Variants in AKAP9 observed in about 807,000 individuals in gnomAD.
AKAP9 encodes the protein A-kinase anchor protein 9.
A neutral mutation model predicts 488.5 loss-of-function variants in AKAP9; 311 were observed. The observed-to-expected ratio is 0.64, with a 90% confidence interval of 0.58 to 0.70. The LOEUF (loss-of-function observed/expected upper bound fraction) is 0.70. Ranked by LOEUF, AKAP9 falls within the 30% of genes least tolerant of loss-of-function variation. The probability of loss-of-function intolerance (pLI) is 0.00; values close to 1 mark genes in which losing one functional copy is unlikely to be tolerated. For synonymous variants in AKAP9, 1,462 were observed against 1,483.5 expected (o/e 0.99, Z 0.33); for missense variants, 4,215 against 4,374.5 (o/e 0.96, Z 1.03).
intron 16 of AKAP9, among the ~76,000 whole-genome samples, chr7:92,032,404 G>T (rs1466931733): frequency 6.6e-6 from 1 of 151,688 alleles, no homozygotes; most frequent in Non-Finnish European, 1.5e-5. Flanking sequence ...GCTGAGGCAG[G>T]AGAATTGCTT....
At chr7:91,987,441 A>T (rs950142589) in intron 3 of AKAP9, among the ~76,000 whole-genome samples, 2 of 152,094 alleles carry the variant, frequency 1.3e-5, no homozygotes. Flanking sequence ...AGAAGAAAAA[A>T]GATAATTATG....
In AKAP9 at chr7:92,001,031, G is replaced by A; in HGVS notation, c.1114G>A (p.Glu372Lys). The change falls in exon 8 of 50, where the codon GAA (glutamate) becomes AAA (lysine). Residue 372 changes from glutamate to lysine, a missense_variant. By Grantham distance (56) the Glu-to-Lys change is moderately conservative. Around this residue, in one of 5 missense-constraint regions of AKAP9, gnomAD observed 2,361 missense variants for 2,430.0 expected, o/e 0.97. Coordinates refer to ENST00000356239, the MANE Select transcript of AKAP9 (RefSeq NM_005751.5). ...LQEQIVQKNQ[E>K]IKNMKLELTN... ...AGAACAGATTGTGCAAAAGAACCAA[G>A]AAATAAAAAACATGAAATTAGAGCT... is the stretch of plus-strand genomic sequence containing the variant. 2 of 1,583,752 alleles carry A rather than the reference G, an allele frequency of 1.3e-6. No individual in the cohort carries two copies. The highest frequency in any genetic ancestry group is 1.7e-6 in the Non-Finnish European group (2 of 1,166,228).
intron 33 of AKAP9, among the ~76,000 whole-genome samples, chr7:92,084,424 A>G (rs1814142580): frequency 6.6e-6 from 1 of 152,082 alleles, no homozygotes; most frequent in Non-Finnish European, 1.5e-5. Flanking sequence ...TGGATTTGGA[A>G]CATGTTATCT....
At chr7:92,102,123 T>C (rs937923586) in intron 45 of AKAP9, among the ~76,000 whole-genome samples, 4 of 150,512 alleles carry the variant, frequency 2.7e-5, no homozygotes, top group African/African-American at 4.9e-5. Flanking sequence ...GCCACTAAAC[T>C]CCAGTATGGG....
chr7:92,021,001 G>T (rs1209084211), intron 12 of AKAP9, among the ~76,000 whole-genome samples: 2 of 152,044 alleles, frequency 1.3e-5, no homozygotes, highest in Admixed American at 6.5e-5. Context: ...CTGTTATTTG[G>T]ATCTATCTTA....
chr7:92,052,298 T>A (rs1808116463), intron 21 of AKAP9, among the ~76,000 whole-genome samples: 1 of 152,178 alleles, frequency 6.6e-6, no homozygotes, highest in Admixed American at 6.6e-5. Context: ...TGAAATGGCC[T>A]ACTCCACAAT....
chr7:91,948,561 T>C (rs1390402566), intron 1 of AKAP9, among the ~76,000 whole-genome samples: 3 of 151,882 alleles, frequency 2.0e-5, no homozygotes, highest in African/African-American at 4.8e-5. Flanking sequence ...AATAATGATA[T>C]TGAGTATCAT....
rs1234879882 is a variant in AKAP9 at position 92,045,073 on chromosome 7, C to T, written c.5228C>T (p.Ala1743Val). ...CTCTTAGAAGTTGTAAAGACAACAG[C>T]AGCTGTTGAAGAAACAATTGGTCGC... ...KILLEVVKTT[A>V]AVEETIGRHV... The change falls in exon 21 of 50, where the codon GCA becomes GTA. Residue 1743 changes from alanine (A) to valine (V), a missense_variant. This residue lies in a region of AKAP9 where 2,361 missense variants were observed against 2,430.0 expected (regional missense o/e 0.97). Transcript: ENST00000356239. The T allele has an allele frequency of 1.3e-5, 21 of 1,613,498 alleles. No individual in the cohort carries two copies. The highest frequency in any genetic ancestry group is 1.7e-5 in the Non-Finnish European group (20 of 1,179,874).
chr7:92,043,813 A>G (rs976694930), intron 20 of AKAP9, among the ~76,000 whole-genome samples: 22 of 152,184 alleles, frequency 1.4e-4, no homozygotes, highest in Non-Finnish European at 4.4e-5. Flanking sequence ...GTGCCTGTGA[A>G]ACAGGTATCC....
intron 22 of AKAP9, chr7:92,058,514 G>A (rs1024145889): frequency 6.6e-5 from 23 of 347,096 alleles, no homozygotes; most frequent in Middle Eastern, 9.7e-4. Context: ...TGTTTGATGC[G>A]TTACTACTCA....
chr7:92,036,954 G>C (rs749961701), intron 16 of AKAP9, among the ~76,000 whole-genome samples: 4 of 152,164 alleles, frequency 2.6e-5, no homozygotes, highest in Admixed American at 2.0e-4. Flanking sequence ...CAATTTGGTA[G>C]GTGAGATATG....
At chr7:91,991,209 C>T (rs576720146) in intron 3 of AKAP9, among the ~76,000 whole-genome samples, 4 of 152,292 alleles carry the variant, frequency 2.6e-5, no homozygotes, top group Non-Finnish European at 4.4e-5. Flanking sequence ...GAGGACACAT[C>T]AGAATGCTTC....
chr7:92,090,155 A>C (rs1265403147), intron 38 of AKAP9: 1 of 152,220 alleles, frequency 6.6e-6, no homozygotes, highest in Non-Finnish European at 1.5e-5. Flanking sequence ...GAACTTTATC[A>C]ATCTGTATGT....
intron 44 of AKAP9, 101 bp downstream of exon 44, chr7:92,099,970 A>T: frequency 8.8e-7 from 1 of 1,133,440 alleles, no homozygotes; most frequent in Non-Finnish European, 1.3e-6. Context: ...AAACTATCAC[A>T]CACCTGATTC....
intron 29 of AKAP9, 124 bp from the exon 30 acceptor site, chr7:92,077,572 G>T: frequency 1.2e-6 from 1 of 829,650 alleles, no homozygotes; most frequent in Non-Finnish European, 2.0e-6. Flanking sequence ...TTGATTTACA[G>T]TAACCATATG....
In AKAP9 at chr7:92,061,471, A is replaced by G. The variant is rs774501968; in HGVS notation, c.5764+49A>G. 4 of 1,605,178 alleles carry G rather than the reference A, an allele frequency of 2.5e-6. No homozygotes were observed. The South Asian group carries it at 3.3e-5, about 13-fold the overall frequency. ...TAAGGGTAGAGAAATTTCAGTCTTA[A>G]AATAGAGATTTTTGATGCACAGCCA... On this transcript the variant is annotated intron_variant, in intron 23 of 49. Coordinates refer to ENST00000356239, the MANE Select transcript of AKAP9 (RefSeq NM_005751.5).
chr7:91,988,297 CAAAAAAAAA>C (rs5885797), intron 3 of AKAP9, among the ~76,000 whole-genome samples: 2 of 53,674 alleles, frequency 3.7e-5, no homozygotes, highest in East Asian at 1.0e-3. Context: ...GACCCCCTCT[CAAAAAAAAA>C]AAAAAAAAAA....
At chr7:92,077,468 C>T (rs1267024733) in intron 29 of AKAP9, among the ~76,000 whole-genome samples, 2 of 152,032 alleles carry the variant, frequency 1.3e-5, no homozygotes, top group African/African-American at 2.4e-5. Flanking sequence ...CAGGCAGACA[C>T]ATTTGCATAC....
chr7:92,076,913 A>G lies in AKAP9; in HGVS notation c.6671A>G (p.Glu2224Gly). ...AGAGAAGAACTGGAAAATAAGAATG[A>G]AGAAGTTCAACAATTACATATGCAA... ...QFREELENKN[E>G]EVQQLHMQLE... The change falls in exon 29 of 50, where the codon GAA becomes GGA. Residue 2224 changes from glutamate (E) to glycine (G), a missense_variant. By Grantham distance (98) the Glu-to-Gly change is moderately conservative. This residue lies in a region of AKAP9 where 51 missense variants were observed against 87.3 expected (regional missense o/e 0.58). Transcript: ENST00000356239. The G allele has an allele frequency of 3.9e-6, 6 of 1,540,870 alleles. No individual in the cohort carries two copies. Among genetic ancestry groups the G allele is most frequent in the Non-Finnish European group, 5.3e-6 (6 of 1,121,750 alleles).
Sources: allele counts gnomAD v4.1 joint callset (sites outside exome capture counted in the v4.1 genomes callset), GRCh38; gene constraint gnomAD v4.1.1; regional missense constraint gnomAD v4.1.1; transcripts MANE v1.5; gene names NCBI Gene and HGNC (gene_info 2026-07-23, HGNC 2026-07-21).